DNAH9: variants seen among roughly 807,000 people sequenced by gnomAD.
The protein encoded by DNAH9 is DNAH9 variant protein.
DNAH9 carries 345 observed loss-of-function variants against 471.6 expected under a neutral mutation model. The ratio of observed to expected loss-of-function variants is 0.73; its 90% CI spans 0.67 to 0.80. DNAH9 has a LOEUF of 0.80. DNAH9 is among the 30% of genes least tolerant of loss of function. The probability of loss-of-function intolerance (pLI) is 0.00; values close to 1 mark genes in which losing one functional copy is unlikely to be tolerated. For synonymous variants in DNAH9, 2,093 were observed against 2,123.6 expected, an observed-to-expected ratio of 0.99 and a Z score of 0.40; for missense variants, 5,407 against 5,609.2, an observed-to-expected ratio of 0.96 and a Z score of 1.15.
At chr17:11,610,210 T>C (rs765464374) in intron 2 of DNAH9, among the ~76,000 whole-genome samples, 186 bp from the exon 3 acceptor site, 13 of 152,128 alleles carry the variant, frequency 8.5e-5, no homozygotes, top group Admixed American at 1.3e-4. Context: ...AGAGAGGATC[T>C]ATAATTTTCG....
intron 68 of DNAH9, among the ~76,000 whole-genome samples, chr17:11,963,601 C>T (rs1250840080): frequency 2.6e-5 from 4 of 152,046 alleles, no homozygotes; most frequent in Admixed American, 2.6e-4. Context: ...ACCTCAGCAT[C>T]ATACAATATT....
chr17:11,822,643 A>G (rs1285753513), intron 47 of DNAH9, 44 bp downstream of exon 47: 21 of 1,608,942 alleles, frequency 1.3e-5, no homozygotes, highest in Non-Finnish European at 1.5e-5. Flanking sequence ...TTCCCAGATG[A>G]GGGTACAATG....
At position 11,781,813 on chromosome 17, in the gene DNAH9, C is replaced by T. The variant is rs570630854; in HGVS notation, c.7718+639C>T. Among the ~76,000 whole-genome samples, 111 of 136,470 alleles carry T rather than the reference C, an allele frequency of 8.1e-4. 1 individual carries two copies. The highest frequency in any genetic ancestry group is 3.1e-3 in the African/African-American group (103 of 33,770). The allele number at this position is 136,470 out of a possible 152,430, so 89.5% of individuals were successfully genotyped here. ...TACCACTGCACTCCAGCCTGGGCAACAGAGCGAGACTCCATCTTAAAAAAA... is the reference window on the plus strand; with the variant it reads ...TACCACTGCACTCCAGCCTGGGCAATAGAGCGAGACTCCATCTTAAAAAAA... On this transcript the variant is annotated intron_variant, in intron 39 of 68. Coordinates refer to ENST00000262442, the MANE Select transcript of DNAH9 (RefSeq NM_001372.4).
rs750562202 is a variant in DNAH9 at position 11,891,961 on chromosome 17, G to A, written c.11283+14G>A. 4.3e-6 allele frequency: 7 copies of A among 1,609,460 alleles called. No individual in the cohort carries two copies. Among genetic ancestry groups the A allele is most frequent in the Admixed American group, 1.7e-5 (1 of 59,554 alleles). On this transcript the variant is annotated intron_variant, in intron 58 of 68. Transcript: ENST00000262442. ...CTCACCTTTCAGGTAAAAGTGGATTGAAGAAGTTTCCAGAAAACAGGTTAT... is the reference window on the plus strand; with the variant it reads ...CTCACCTTTCAGGTAAAAGTGGATTAAAGAAGTTTCCAGAAAACAGGTTAT...
chr17:11,865,162 G>A (rs1437420288), intron 50 of DNAH9, among the ~76,000 whole-genome samples: 13 of 152,148 alleles, frequency 8.5e-5, no homozygotes, highest in Non-Finnish European at 1.0e-4. Flanking sequence ...AGCTGGTACC[G>A]GTTGTTCCTT....
chr17:11,641,612 A>G (rs1298352760), intron 10 of DNAH9, among the ~76,000 whole-genome samples: 1 of 151,426 alleles, frequency 6.6e-6, no homozygotes, highest in African/African-American at 2.4e-5. Flanking sequence ...CTTCCCGGGG[A>G]CCCCCCAGCC....
intron 67 of DNAH9, among the ~76,000 whole-genome samples, chr17:11,952,287 G>A (rs1207331311): frequency 7.3e-6 from 1 of 137,178 alleles, no homozygotes; most frequent in African/African-American, 2.7e-5. Flanking sequence ...TTACAGGCAT[G>A]CACCATTACA....
chr17:11,929,238 G>A (rs929539011), intron 62 of DNAH9, among the ~76,000 whole-genome samples: 1 of 151,872 alleles, frequency 6.6e-6, no homozygotes, highest in Non-Finnish European at 1.5e-5. Context: ...GTTTCACCGT[G>A]TTAGCCAGGA....
At chr17:11,905,890 C>A in intron 61 of DNAH9, 81 bp downstream of exon 61, 1 of 1,465,192 alleles carries the variant, frequency 6.8e-7, no homozygotes, top group Admixed American at 2.5e-5. Flanking sequence ...TTTCTCTTTT[C>A]TGGATTCAAG....
rs1382782943 is a variant in DNAH9 at position 11,636,517 on chromosome 17, GT to G, written c.1636-115del. Reference sequence around the variant, plus strand: ...ACAGGTCCAGCTCCACAATAACACTGTTCACTCTTCTTACATTGGTAGGCAT... The same window carrying G: ...ACAGGTCCAGCTCCACAATAACACTGTCACTCTTCTTACATTGGTAGGCAT... On this transcript the variant is annotated intron_variant, in intron 8 of 68. Coordinates refer to ENST00000262442, the MANE Select transcript of DNAH9 (RefSeq NM_001372.4). The G allele has an allele frequency of 4.2e-6, 3 of 714,358 alleles. No individual in the cohort carries two copies. In the Admixed American group the frequency reaches 7.6e-5, roughly 18 times the overall value. 44.3% of individuals were successfully genotyped at this position (714,358 alleles called of 1,614,324 possible).
At chr17:11,850,594 T>C (rs1971381389) in intron 49 of DNAH9, among the ~76,000 whole-genome samples, 1 of 149,138 alleles carries the variant, frequency 6.7e-6, no homozygotes, top group African/African-American at 2.5e-5. Flanking sequence ...GAGGTTGCAG[T>C]GAGCCAAGAA....
chr17:11,660,319 C>CTTTTTTTTT (rs1208889792), intron 14 of DNAH9, among the ~76,000 whole-genome samples: 1 of 97,508 alleles, frequency 1.0e-5, no homozygotes, highest in African/African-American at 3.8e-5. Context: ...TTAAATGTTT[C>CTTTTTTTTT]TTTTTTTTTT....
At chr17:11,697,956 C>T (rs1292976416) in intron 22 of DNAH9, among the ~76,000 whole-genome samples, 1 of 150,372 alleles carries the variant, frequency 6.7e-6, no homozygotes, top group East Asian at 1.9e-4. Flanking sequence ...TGATGGTTCA[C>T]AAATTGATTT....
At position 11,821,973 on chromosome 17, in the gene DNAH9, G is replaced by A. The variant is rs1970324039; in HGVS notation, c.8761G>A (p.Val2921Met). 2 of 1,614,158 alleles carry A rather than the reference G, an allele frequency of 1.2e-6. No homozygotes were observed. The highest frequency in any genetic ancestry group is 1.1e-5 in the South Asian group (1 of 91,082). ...DDEVENIISN[V>M]RNEVKSQGLV... ...TGAAGTTGAAAACATCATAAGCAAT[G>A]TGAGGAATGAAGTCAAGAGCCAGGG... The change falls in exon 46 of 69, where the codon GTG (valine) becomes ATG (methionine). Residue 2921 changes from valine to methionine, a missense_variant. Transcript: ENST00000262442.
intron 53 of DNAH9, among the ~76,000 whole-genome samples, chr17:11,876,743 G>A (rs1013132424): frequency 7.9e-5 from 12 of 152,022 alleles, no homozygotes; most frequent in Middle Eastern, 6.8e-3. Context: ...TTTTTGAGAC[G>A]GAGTCTCACT....
intron 67 of DNAH9, among the ~76,000 whole-genome samples, chr17:11,943,284 GT>G (rs1258311608): frequency 1.3e-5 from 2 of 152,158 alleles, no homozygotes; most frequent in African/African-American, 4.8e-5. Flanking sequence ...CCTTCATCAT[GT>G]CTGTCTCTTG....
intron 26 of DNAH9, among the ~76,000 whole-genome samples, chr17:11,708,004 CACACACACACAGAGAGAGAGAGAGAGAG>C (rs1278219502): frequency 0.025 from 1,233 of 48,706 alleles, 14 homozygotes; most frequent in African/African-American, 0.057. Flanking sequence ...CACACACACA[CACACACACACAGAGAGAGAGAGAGAGAG>C]AGAGAGAGAG....
At chr17:11,757,082 T>C (rs986959110) in intron 34 of DNAH9, among the ~76,000 whole-genome samples, 2 of 151,528 alleles carry the variant, frequency 1.3e-5, no homozygotes, top group African/African-American at 4.9e-5. Flanking sequence ...AAGCAGGGAG[T>C]AGAATGTCAG....
At chr17:11,621,664 C>T (rs963894286) in intron 6 of DNAH9, among the ~76,000 whole-genome samples, 3 of 152,180 alleles carry the variant, frequency 2.0e-5, no homozygotes, top group East Asian at 1.9e-4. Context: ...GACTGAAATG[C>T]GATTTCCCTG....
Sources: allele counts gnomAD v4.1 joint callset (sites outside exome capture counted in the v4.1 genomes callset), GRCh38; gene constraint gnomAD v4.1.1; transcripts MANE v1.5; gene names NCBI Gene and HGNC (gene_info 2026-07-23, HGNC 2026-07-21).